The following CDH18 variants were observed in gnomAD, a reference collection of about 807,000 sequenced individuals.
CDH18 encodes the protein cadherin-18.
A neutral mutation model predicts 67.9 loss-of-function variants in CDH18; 31 were observed. The ratio of observed to expected loss-of-function variants is 0.46; its 90% confidence interval spans 0.34 to 0.62. The LOEUF (loss-of-function observed/expected upper bound fraction) is 0.62. Among genes scored for constraint, CDH18 ranks in the 20% least tolerant of loss-of-function variants. The pLI is 0.01. For synonymous variants in CDH18, 362 were observed against 347.2 expected (o/e 1.04, Z -0.48); for missense variants, 890 against 975.5 (o/e 0.91, Z 1.17).
chr5:20,244,604 A>T (rs1743232811), intron 2 of CDH18, among the ~76,000 whole-genome samples: 1 of 152,118 alleles, frequency 6.6e-6, no homozygotes, highest in Non-Finnish European at 1.5e-5. Context: ...AAGCCTAAAA[A>T]ATTGACAATT....
chr5:19,593,707 C>CCTCCTCCTCCTCCTTCTTCTTCTT, intron 6 of CDH18, among the ~76,000 whole-genome samples: 34 of 33,390 alleles, frequency 1.0e-3, no homozygotes, highest in African/African-American at 3.6e-3. Context: ...TCCTCCTCCT[C>CCTCCTCCTCCTCCTTCTTCTTCTT]CTTCTTCTTC....
chr5:19,811,161 G>GAGAGAAA (rs1491122708), intron 3 of CDH18, among the ~76,000 whole-genome samples: 1 of 27,566 alleles, frequency 3.6e-5, no homozygotes, highest in Admixed American at 4.0e-4. Flanking sequence ...AAAGAAAGAA[G>GAGAGAAA]GAGAGAAAGA....
At chr5:20,022,393 G>C (rs1738508916) in intron 2 of CDH18, among the ~76,000 whole-genome samples, 1 of 152,282 alleles carries the variant, frequency 6.6e-6, no homozygotes, top group Non-Finnish European at 1.5e-5. Context: ...TTCTGCTTCA[G>C]TGTTTATATG....
At chr5:20,122,076 A>G (rs542146226) in intron 2 of CDH18, among the ~76,000 whole-genome samples, 26 of 152,332 alleles carry the variant, frequency 1.7e-4, no homozygotes, top group African/African-American at 6.3e-4. Context: ...TGTGTTAGAA[A>G]TAAAAAGCAA....
At chr5:19,978,767 G>A (rs1044957183) in intron 2 of CDH18, among the ~76,000 whole-genome samples, 2 of 152,062 alleles carry the variant, frequency 1.3e-5, no homozygotes, top group Non-Finnish European at 2.9e-5. Context: ...TGATCACTGT[G>A]TCCTCCTCTC....
intron 2 of CDH18, among the ~76,000 whole-genome samples, chr5:20,085,537 C>T (rs1026507461): frequency 2.0e-5 from 3 of 152,058 alleles, no homozygotes; most frequent in Admixed American, 1.3e-4. Context: ...CTACTGGTAC[C>T]GACTTACTGT....
rs556318778 is a variant in CDH18, at chr5:19,472,508, A to T, written c.*718T>A. On this transcript the variant is annotated 3_prime_UTR_variant, in exon 13 of 13. Coordinates refer to ENST00000382275, the MANE Select transcript of CDH18 (RefSeq NM_004934.5). ...GTCCATTTAAAAATAGGAGTATCCC[A>T]TTAAAATAAAAGGGGGTGTACGGGA... 2.0e-5 allele frequency among the ~76,000 whole-genome samples: 3 copies of T among 152,262 alleles called. No homozygotes were observed. The East Asian group carries it at 5.8e-4, about 29-fold the overall frequency.
intron 1 of CDH18, among the ~76,000 whole-genome samples, chr5:19,987,302 A>G (rs1020571805): frequency 6.6e-6 from 1 of 151,386 alleles, no homozygotes; most frequent in African/African-American, 2.4e-5. Flanking sequence ...ATAAGGCATA[A>G]TTTACCTTGT....
intron 5 of CDH18, among the ~76,000 whole-genome samples, chr5:19,683,345 T>C (rs1311786183): frequency 6.6e-6 from 1 of 152,236 alleles, no homozygotes; most frequent in East Asian, 1.9e-4. Flanking sequence ...TCTTAGACAG[T>C]TGATTACTAT....
intron 3 of CDH18, among the ~76,000 whole-genome samples, chr5:19,749,513 A>C (rs918082302): frequency 2.0e-5 from 3 of 151,250 alleles, no homozygotes; most frequent in African/African-American, 4.8e-5. Flanking sequence ...AATTAATTTG[A>C]TGTCACTTAG....
intron 10 of CDH18, among the ~76,000 whole-genome samples, chr5:19,507,114 C>G (rs1744322898): frequency 6.6e-6 from 1 of 152,128 alleles, no homozygotes; most frequent in Non-Finnish European, 1.5e-5. Context: ...AGACACTTCT[C>G]AAAAGAAGAC....
In CDH18 at chr5:19,472,815, GTTT is replaced by G; in HGVS notation, c.*408_*410del. On this transcript the variant is annotated 3_prime_UTR_variant, in exon 13 of 13. Coordinates refer to ENST00000382275, the MANE Select transcript of CDH18 (RefSeq NM_004934.5). ...AAAGAGGTTGTGATTACCTTCACAA[GTTT>G]CCTGTATTAGTGTTACCACCCCTAT... 1 of 163,194 alleles carries G rather than the reference GTTT, an allele frequency of 6.1e-6. No individual in the cohort carries two copies. Among genetic ancestry groups the G allele is most frequent in the Non-Finnish European group, 1.4e-5 (1 of 74,030 alleles). The allele number at this position is 163,194 out of a possible 1,614,324, so 10.1% of individuals were successfully genotyped here. A position where few individuals can be genotyped will look rare whatever the true frequency, so the allele number is the denominator to read the frequency against.
At chr5:19,882,226 G>A (rs1471712976) in intron 2 of CDH18, among the ~76,000 whole-genome samples, 1 of 151,954 alleles carries the variant, frequency 6.6e-6, no homozygotes, top group Non-Finnish European at 1.5e-5. Flanking sequence ...TTCTTTCCTT[G>A]TGATTCTTTG....
intron 2 of CDH18, among the ~76,000 whole-genome samples, chr5:20,065,222 T>C (rs1742877460): frequency 6.6e-6 from 1 of 151,948 alleles, no homozygotes; most frequent in Non-Finnish European, 1.5e-5. Flanking sequence ...CATCAAAAAA[T>C]GAGGAAGTGA....
At chr5:19,481,500 A>G (rs1175634692) in intron 12 of CDH18, among the ~76,000 whole-genome samples, 1 of 152,186 alleles carries the variant, frequency 6.6e-6, no homozygotes, top group Non-Finnish European at 1.5e-5. Context: ...GTTTCCCTAC[A>G]TGCCCTCTTG....
At chr5:20,357,503 T>G (rs1429094935) in intron 1 of CDH18, among the ~76,000 whole-genome samples, 1 of 152,062 alleles carries the variant, frequency 6.6e-6, no homozygotes, top group Non-Finnish European at 1.5e-5. Flanking sequence ...GGAAATTACA[T>G]AAACAAACAC....
chr5:19,782,467 G>T (rs1775233198), intron 3 of CDH18, among the ~76,000 whole-genome samples: 1 of 152,074 alleles, frequency 6.6e-6, no homozygotes, highest in Admixed American at 6.6e-5. Flanking sequence ...GAGGAGTAAG[G>T]CAAAAGGGAT....
At chr5:20,574,500 A>T (rs1011517203) in intron 1 of CDH18, among the ~76,000 whole-genome samples, 24 of 152,162 alleles carry the variant, frequency 1.6e-4, no homozygotes, top group Middle Eastern at 3.4e-3. Context: ...AAACAAATTG[A>T]CATAAAAATG....
chr5:20,535,653 G>A (rs527610123), intron 1 of CDH18, among the ~76,000 whole-genome samples: 15 of 152,012 alleles, frequency 9.9e-5, no homozygotes, highest in Non-Finnish European at 1.9e-4. Context: ...TATAACTCAG[G>A]CTTCTCCCTC....
Sources: allele counts gnomAD v4.1 joint callset (sites outside exome capture counted in the v4.1 genomes callset), GRCh38; gene constraint gnomAD v4.1.1; transcripts MANE v1.5; gene names NCBI Gene and HGNC (gene_info 2026-07-23, HGNC 2026-07-21).